STXBP5L: variants seen among roughly 807,000 people sequenced by gnomAD.
STXBP5L encodes the protein syntaxin binding protein 5L, also known as syntaxin-binding protein 5-like.
STXBP5L carries 65 observed loss-of-function variants against 144.5 expected under a neutral mutation model. The observed-to-expected ratio is 0.45, with a 90% CI of 0.37 to 0.55. STXBP5L has a LOEUF of 0.55. Ranked by LOEUF, STXBP5L falls within the 20% of genes least tolerant of loss-of-function variation. The pLI is 0.00. For missense variants in STXBP5L, 1,298 were observed against 1,405.5 expected (o/e 0.92, Z 1.22); for synonymous variants, 505 against 469.6 (o/e 1.08, Z -0.97).
chr3:121,099,987 G>A (rs547826301), intron 5 of STXBP5L, among the ~76,000 whole-genome samples: 5 of 152,134 alleles, frequency 3.3e-5, no homozygotes, highest in Admixed American at 1.3e-4. Flanking sequence ...ACCAACAACC[G>A]TATAAAAGGA....
At chr3:120,963,654 T>A (rs1576502831) in intron 3 of STXBP5L, among the ~76,000 whole-genome samples, 1 of 152,200 alleles carries the variant, frequency 6.6e-6, no homozygotes, top group Admixed American at 6.5e-5. Context: ...CTTTTTGATG[T>A]GCTGCTGGAT....
chr3:121,055,049 G>T (rs1007242518), intron 5 of STXBP5L, among the ~76,000 whole-genome samples: 1 of 152,092 alleles, frequency 6.6e-6, no homozygotes, highest in Non-Finnish European at 1.5e-5. Context: ...TTAATTGGTA[G>T]AAACATAAAA....
chr3:121,392,128 C>T (rs898874636), intron 22 of STXBP5L, among the ~76,000 whole-genome samples: 4 of 152,148 alleles, frequency 2.6e-5, no homozygotes, highest in East Asian at 3.8e-4. Context: ...CCTCCCCAGC[C>T]AGGCTGCCAC....
At chr3:121,089,235 A>G (rs998986930) in intron 5 of STXBP5L, among the ~76,000 whole-genome samples, 1 of 150,250 alleles carries the variant, frequency 6.7e-6, no homozygotes, top group Non-Finnish European at 1.5e-5. Flanking sequence ...AGTTTCTTCT[A>G]TTAGATATTT....
At chr3:120,983,033 G>C (rs1353374157) in intron 3 of STXBP5L, among the ~76,000 whole-genome samples, 3 of 152,196 alleles carry the variant, frequency 2.0e-5, no homozygotes, top group Admixed American at 6.5e-5. Context: ...TCTGCCTTGA[G>C]CAGTGGAGGC....
At chr3:121,190,121 G>T (rs1270017614) in intron 9 of STXBP5L, among the ~76,000 whole-genome samples, 3 of 151,856 alleles carry the variant, frequency 2.0e-5, no homozygotes, top group Non-Finnish European at 4.4e-5. Context: ...GATTTGGTAG[G>T]TTCATAGGAC....
In STXBP5L at chr3:121,367,629, G is replaced by T. The variant is rs1275771590; in HGVS notation, c.2177-11087G>T. Among the ~76,000 whole-genome samples the T allele has an allele frequency of 1.5e-4, 18 of 118,164 alleles. No homozygotes were observed. In the East Asian group the frequency reaches 3.3e-3, roughly 22 times the overall value. 77.5% of individuals were successfully genotyped at this position (118,164 alleles called of 152,430 possible). The stretch of plus-strand genomic sequence containing the variant: ...TTTTTTTTTTTTTTTTTTTAAACAG[G>T]TTCTCACTTTGTCACCCAGAATAGA... On this transcript the variant is annotated intron_variant, in intron 20 of 26. Coordinates refer to ENST00000471454, the MANE Select transcript of STXBP5L (RefSeq NM_001308330.2).
intron 3 of STXBP5L, among the ~76,000 whole-genome samples, chr3:121,004,309 G>A (rs1354675550): frequency 6.6e-6 from 1 of 151,426 alleles, no homozygotes. Context: ...TCTCTTTGAA[G>A]CAATTGTGAA....
At chr3:121,403,895 C>A (rs764728960) in intron 22 of STXBP5L, among the ~76,000 whole-genome samples, 1 of 152,122 alleles carries the variant, frequency 6.6e-6, no homozygotes, top group Non-Finnish European at 1.5e-5. Context: ...TTAGCTTGTT[C>A]CTCCTCCATT....
intron 3 of STXBP5L, among the ~76,000 whole-genome samples, chr3:121,034,863 C>T (rs1210425854): frequency 6.6e-6 from 1 of 152,118 alleles, no homozygotes; most frequent in East Asian, 1.9e-4. Context: ...GTTCCCTTTC[C>T]TCCACATCCT....
intron 22 of STXBP5L, among the ~76,000 whole-genome samples, chr3:121,397,626 T>G (rs1360317524): frequency 6.6e-6 from 1 of 152,208 alleles, no homozygotes; most frequent in Non-Finnish European, 1.5e-5. Flanking sequence ...TTGCAAATTT[T>G]TTTCTAGTCC....
intron 18 of STXBP5L, among the ~76,000 whole-genome samples, chr3:121,266,167 C>G (rs1012955978): frequency 3.9e-5 from 6 of 152,074 alleles, no homozygotes; most frequent in African/African-American, 1.4e-4. Flanking sequence ...CTGGCAGAGA[C>G]ACAACAAAAA....
intron 22 of STXBP5L, among the ~76,000 whole-genome samples, chr3:121,401,267 T>C (rs575416371): frequency 6.6e-6 from 1 of 152,262 alleles, no homozygotes; most frequent in Non-Finnish European, 1.5e-5. Context: ...GGCACCACGA[T>C]TGCTTTCCTA....
chr3:121,156,267 A>G (rs556558776), intron 8 of STXBP5L, among the ~76,000 whole-genome samples: 101 of 152,120 alleles, frequency 6.6e-4, no homozygotes, highest in African/African-American at 2.4e-3. Context: ...CTGATTGTTT[A>G]GAACTTTTAT....
chr3:120,960,205 TGA>T (rs1178962473), intron 3 of STXBP5L, among the ~76,000 whole-genome samples: 1 of 152,160 alleles, frequency 6.6e-6, no homozygotes, highest in Non-Finnish European at 1.5e-5. Context: ...AAAACCACAA[TGA>T]GATACCATCT....
intron 14 of STXBP5L, among the ~76,000 whole-genome samples, chr3:121,249,560 T>G (rs1199749420): frequency 6.6e-6 from 1 of 152,190 alleles, no homozygotes; most frequent in South Asian, 2.1e-4. Flanking sequence ...ACAATTTTGC[T>G]AATCATTTAT....
chr3:120,953,114 T>C (rs1186047998), intron 2 of STXBP5L, among the ~76,000 whole-genome samples: 1 of 151,876 alleles, frequency 6.6e-6, no homozygotes, highest in Non-Finnish European at 1.5e-5. Flanking sequence ...TTCCATATAG[T>C]TTCTAAGCAA....
chr3:121,158,984 C>A (rs764464881), intron 9 of STXBP5L: 22 of 152,028 alleles, frequency 1.4e-4, no homozygotes, highest in Non-Finnish European at 2.5e-4. Context: ...GCCTTGATGT[C>A]TTTTATAACA....
intron 5 of STXBP5L, among the ~76,000 whole-genome samples, chr3:121,053,374 G>A (rs988329847): frequency 6.6e-6 from 1 of 152,092 alleles, no homozygotes; most frequent in African/African-American, 2.4e-5. Context: ...AAACAGCATG[G>A]TACTGGTACC....
Sources: allele counts gnomAD v4.1 joint callset (sites outside exome capture counted in the v4.1 genomes callset), GRCh38; gene constraint gnomAD v4.1.1; transcripts MANE v1.5; gene names NCBI Gene and HGNC (gene_info 2026-07-23, HGNC 2026-07-21).